The following SLC16A12 variants were observed in gnomAD, a reference collection of about 807,000 sequenced individuals.
SLC16A12 encodes the protein monocarboxylate transporter 12.
Under a neutral mutation model 42.4 loss-of-function variants are expected in SLC16A12, and 17 were observed. That is an observed-to-expected ratio of 0.40 (90% CI 0.27 to 0.60). The LOEUF is 0.60. Ranked by LOEUF, SLC16A12 falls within the 20% of genes least tolerant of loss-of-function variation. SLC16A12 has a pLI of 0.42. For synonymous variants in SLC16A12, 224 were observed against 229.4 expected (o/e 0.98, Z 0.21); for missense variants, 544 against 623.0 (o/e 0.87, Z 1.35).
intron 2 of SLC16A12, among the ~76,000 whole-genome samples, chr10:89,501,919 A>G (rs946646018): frequency 3.3e-5 from 5 of 152,222 alleles, no homozygotes; most frequent in Non-Finnish European, 7.3e-5. Flanking sequence ...CTGGATTCCC[A>G]GTACCTAGAA....
chr10:89,532,777 G>A (rs1843576856), intron 2 of SLC16A12, among the ~76,000 whole-genome samples: 1 of 152,170 alleles, frequency 6.6e-6, no homozygotes, highest in Non-Finnish European at 1.5e-5. Flanking sequence ...GCAATTGAGA[G>A]AATTAGAAAA....
intron 2 of SLC16A12, among the ~76,000 whole-genome samples, chr10:89,502,422 G>A (rs1000231673): frequency 2.3e-4 from 35 of 151,886 alleles, no homozygotes; most frequent in Non-Finnish European, 1.6e-4. Context: ...TGCAGCCCGG[G>A]CAACAGTGCA....
At chr10:89,511,434 A>G (rs1206427288) in intron 2 of SLC16A12, among the ~76,000 whole-genome samples, 1 of 152,220 alleles carries the variant, frequency 6.6e-6, no homozygotes, top group East Asian at 1.9e-4. Context: ...TTGCAGGGAC[A>G]TGGATGAAAC....
intron 7 of SLC16A12, among the ~76,000 whole-genome samples, chr10:89,434,664 T>C (rs1296906822): frequency 6.6e-6 from 1 of 152,236 alleles, no homozygotes; most frequent in East Asian, 1.9e-4. Flanking sequence ...AACTCTGCCT[T>C]CCTCAAAAAA....
upstream of SLC16A12, among the ~76,000 whole-genome samples, chr10:89,539,088 A>T (rs1843696858): frequency 6.6e-6 from 1 of 152,162 alleles, no homozygotes; most frequent in African/African-American, 2.4e-5. Context: ...CTGTATTCAT[A>T]GTGGAGCCCC....
chr10:89,554,043 A>T (rs139710454), intron 2 of SLC16A12, among the ~76,000 whole-genome samples: 1 of 49,066 alleles, frequency 2.0e-5, no homozygotes, highest in African/African-American at 8.9e-5. Flanking sequence ...GAAGAAAGAA[A>T]GAAAGAAAGA....
In SLC16A12 at chr10:89,441,270, A is replaced by G; in HGVS notation, c.305-19T>C. 1.2e-6 allele frequency: 2 copies of G among 1,613,910 alleles called. No homozygotes were observed. Among genetic ancestry groups the G allele is most frequent in the Non-Finnish European group, 1.7e-6 (2 of 1,179,864 alleles). ...AGTGGAGCTTCAAAAACAATAAGAA[A>G]TAGGTTCAACAGAAAGGCCTTGAGG... On this transcript the variant is annotated intron_variant, in intron 4 of 7. Transcript: ENST00000371790.
At chr10:89,552,863 T>G (rs1387806274) in intron 2 of SLC16A12, among the ~76,000 whole-genome samples, 1 of 152,158 alleles carries the variant, frequency 6.6e-6, no homozygotes, top group African/African-American at 2.4e-5. Context: ...TAATGAACAA[T>G]CAAAGAAATG....
At chr10:89,516,233 C>T (rs1323250631) in intron 2 of SLC16A12, among the ~76,000 whole-genome samples, 1 of 152,114 alleles carries the variant, frequency 6.6e-6, no homozygotes, top group Non-Finnish European at 1.5e-5. Context: ...TCACCAAGAG[C>T]GGAACTTAAG....
rs1841684997 is a variant in SLC16A12, at chr10:89,430,962, A to G, written c.*2102T>C. The G allele has an allele frequency of 6.6e-6, 2 of 303,416 alleles. No individual in the cohort carries two copies. Among genetic ancestry groups the G allele is most frequent in the Non-Finnish European group, 1.3e-5 (2 of 158,540 alleles). The allele number at this position is 303,416 out of a possible 1,614,324, so 18.8% of individuals were successfully genotyped here. A position where few individuals can be genotyped will look rare whatever the true frequency, so the allele number is the denominator to read the frequency against. Reference sequence around the variant, plus strand: ...GGGCAAAGTGCTATTCCAAACAGATATAACTTCATCTTAACTTTGACATTT... The same window carrying G: ...GGGCAAAGTGCTATTCCAAACAGATGTAACTTCATCTTAACTTTGACATTT... On this transcript the variant is annotated 3_prime_UTR_variant, in exon 8 of 8. Coordinates refer to ENST00000371790, the MANE Select transcript of SLC16A12 (RefSeq NM_213606.4).
intron 5 of SLC16A12, among the ~76,000 whole-genome samples, chr10:89,440,882 T>G (rs1043379034): frequency 1.3e-5 from 2 of 152,234 alleles, no homozygotes; most frequent in Non-Finnish European, 2.9e-5. Flanking sequence ...AGGAGAAAGC[T>G]GCAGTTGCTT....
intron 3 of SLC16A12, among the ~76,000 whole-genome samples, chr10:89,455,355 G>C (rs1184291933): frequency 6.6e-6 from 1 of 151,990 alleles, no homozygotes; most frequent in Non-Finnish European, 1.5e-5. Context: ...AGGTTACTTT[G>C]ATTTCTGCTT....
At chr10:89,436,611 G>C (rs929650726) in intron 6 of SLC16A12, among the ~76,000 whole-genome samples, 3 of 152,066 alleles carry the variant, frequency 2.0e-5, no homozygotes, top group Non-Finnish European at 2.9e-5. Context: ...CTATAAAATG[G>C]AAAGGTTACT....
At chr10:89,459,464 T>A (rs1842256149) in intron 3 of SLC16A12, among the ~76,000 whole-genome samples, 1 of 151,756 alleles carries the variant, frequency 6.6e-6, no homozygotes, top group Non-Finnish European at 1.5e-5. Flanking sequence ...TGAGAATAGT[T>A]TAGGAAGCTA....
intron 2 of SLC16A12, among the ~76,000 whole-genome samples, chr10:89,470,877 C>T (rs1183498390): frequency 6.6e-6 from 1 of 151,312 alleles, no homozygotes; most frequent in Admixed American, 6.6e-5. Flanking sequence ...AGAAAACAAC[C>T]AGAGGGCCTG....
intron 2 of SLC16A12, among the ~76,000 whole-genome samples, chr10:89,545,070 C>G (rs995497017): frequency 6.6e-6 from 1 of 152,104 alleles, no homozygotes; most frequent in Non-Finnish European, 1.5e-5. Flanking sequence ...TGAGAACAAG[C>G]CTCAAATGGC....
chr10:89,532,401 C>T (rs1335615054), intron 2 of SLC16A12, among the ~76,000 whole-genome samples: 4 of 152,194 alleles, frequency 2.6e-5, no homozygotes, highest in Non-Finnish European at 5.9e-5. Flanking sequence ...GATAATGACA[C>T]TTTCTGATGT....
chr10:89,477,915 G>A (rs1268379514), intron 2 of SLC16A12, among the ~76,000 whole-genome samples: 3 of 133,052 alleles, frequency 2.3e-5, no homozygotes, highest in Non-Finnish European at 3.0e-5. Flanking sequence ...ATTAAGAGTA[G>A]GACTTGTGCC....
chr10:89,519,264 C>T (rs536951293), intron 2 of SLC16A12, among the ~76,000 whole-genome samples: 53 of 143,626 alleles, frequency 3.7e-4, no homozygotes, highest in Admixed American at 6.5e-4. Flanking sequence ...AACTACGCAT[C>T]GGGTACTATC....
Sources: allele counts gnomAD v4.1 joint callset (sites outside exome capture counted in the v4.1 genomes callset), GRCh38; gene constraint gnomAD v4.1.1; transcripts MANE v1.5; gene names NCBI Gene and HGNC (gene_info 2026-07-23, HGNC 2026-07-21).